PRIM2: variants seen among roughly 807,000 people sequenced by gnomAD.
PRIM2 encodes DNA primase subunit 2, also known as DNA primase large subunit.
A neutral mutation model predicts 67.3 loss-of-function variants in PRIM2; 39 were observed. That is an observed-to-expected ratio of 0.58 (90% CI 0.45 to 0.76). The LOEUF (loss-of-function observed/expected upper bound fraction) is 0.76. Ranked by LOEUF, PRIM2 falls within the 30% of genes least tolerant of loss-of-function variation. The probability of loss-of-function intolerance (pLI) is 0.00; values close to 1 mark genes in which losing one functional copy is unlikely to be tolerated. For synonymous variants in PRIM2, 143 were observed against 198.7 expected (o/e 0.72, Z 2.36); for missense variants, 398 against 598.7 (o/e 0.66, Z 3.50).
chr6:57,337,905 T>C (rs1335004908), intron 5 of PRIM2, among the ~76,000 whole-genome samples: 11 of 151,864 alleles, frequency 7.2e-5, no homozygotes, highest in Admixed American at 2.0e-4. Flanking sequence ...TTCAAAAAAT[T>C]AATGAATCCA....
In PRIM2 at chr6:57,621,868, C is replaced by T. The variant is rs1188945463; in HGVS notation, c.1231-10265C>T. ...CTCTAGCATTTCTTGTTGGGCAGGT[C>T]TACTAACAACAGACTCCCTCAGCAT... is the stretch of plus-strand genomic sequence containing the variant. On this transcript the variant is annotated intron_variant, in intron 12 of 13. Transcript: ENST00000615550. Among the ~76,000 whole-genome samples the T allele has an allele frequency of 2.6e-5, 4 of 152,270 alleles. No individual in the cohort carries two copies. The South Asian group carries it at 6.2e-4, about 24-fold the overall frequency.
At chr6:57,475,929 A>C (rs1226288248) in intron 7 of PRIM2, among the ~76,000 whole-genome samples, 1 of 152,180 alleles carries the variant, frequency 6.6e-6, no homozygotes, top group Admixed American at 6.5e-5. Context: ...GTCATGGGCA[A>C]AGTCAGGTTC....
intron 10 of PRIM2, among the ~76,000 whole-genome samples, chr6:57,592,981 G>A (rs1659729698): frequency 6.6e-6 from 1 of 152,146 alleles, no homozygotes; most frequent in Non-Finnish European, 1.5e-5. Flanking sequence ...GGGTGGGCTT[G>A]GGATAGAAGA....
At chr6:57,283,395 A>G in the PRIM2 span, among the ~76,000 whole-genome samples, 1 of 152,060 alleles carries the variant, frequency 6.6e-6, no homozygotes, top group Non-Finnish European at 1.5e-5. Context: ...CTCCAAATCT[A>G]CCTCTCTGCT....
intron 12 of PRIM2, among the ~76,000 whole-genome samples, chr6:57,631,626 T>C (rs1417842603): frequency 6.6e-6 from 1 of 152,154 alleles, no homozygotes; most frequent in Non-Finnish European, 1.5e-5. Context: ...TCTTCACAGA[T>C]ACTTGTCCAA....
intron 7 of PRIM2, among the ~76,000 whole-genome samples, chr6:57,396,535 G>A (rs148994038): frequency 6.6e-6 from 1 of 152,118 alleles, no homozygotes; most frequent in Admixed American, 6.5e-5. Context: ...TTAAGTTTAT[G>A]TGAGTCCTTA....
the PRIM2 span, among the ~76,000 whole-genome samples, chr6:57,232,312 G>T: frequency 5.4e-4 from 82 of 152,232 alleles, 1 homozygote; most frequent in Admixed American, 1.9e-3. Flanking sequence ...CAGCACTTTG[G>T]GAGGCCGAAG....
chr6:57,563,395 G>T (rs1204405682), intron 10 of PRIM2, among the ~76,000 whole-genome samples: 11 of 151,662 alleles, frequency 7.3e-5, no homozygotes, highest in Admixed American at 2.6e-4. Context: ...GCACTGGTTA[G>T]TAGAGATTTC....
At chr6:57,580,826 A>G (rs1776069971) in intron 10 of PRIM2, among the ~76,000 whole-genome samples, 2 of 152,230 alleles carry the variant, frequency 1.3e-5, no homozygotes. Context: ...CCCCATCTGT[A>G]GTATCTTTAG....
chr6:57,262,081 C>A, the PRIM2 span, among the ~76,000 whole-genome samples: 2 of 152,132 alleles, frequency 1.3e-5, no homozygotes, highest in Non-Finnish European at 2.9e-5. Flanking sequence ...TCATATTTTC[C>A]CCACTGTTGC....
intron 7 of PRIM2, among the ~76,000 whole-genome samples, chr6:57,502,798 A>G (rs1332401481): frequency 1.2e-4 from 19 of 152,114 alleles, no homozygotes; most frequent in Admixed American, 1.2e-3. Flanking sequence ...TCAGTTGACA[A>G]TCCATAATTT....
intron 5 of PRIM2, among the ~76,000 whole-genome samples, chr6:57,330,273 A>G (rs1468274630): frequency 6.7e-6 from 1 of 148,406 alleles, no homozygotes; most frequent in African/African-American, 2.5e-5. Context: ...CATTTTTGGA[A>G]TGTTCATTGC....
chr6:57,258,554 T>G, the PRIM2 span, among the ~76,000 whole-genome samples: 1 of 152,144 alleles, frequency 6.6e-6, no homozygotes, highest in African/African-American at 2.4e-5. Context: ...TTGAAGTGGT[T>G]GCACAGTGAG....
intron 7 of PRIM2, among the ~76,000 whole-genome samples, chr6:57,487,793 C>A (rs1304267021): frequency 1.4e-4 from 22 of 152,042 alleles, no homozygotes; most frequent in Admixed American, 1.2e-3. Context: ...TCAATTAATT[C>A]GAAATAGGAG....
At chr6:57,260,717 C>T in the PRIM2 span, among the ~76,000 whole-genome samples, 16 of 152,030 alleles carry the variant, frequency 1.1e-4, no homozygotes, top group African/African-American at 3.6e-4. Context: ...TATAAGTAGC[C>T]GGGCAGACAA....
intron 10 of PRIM2, among the ~76,000 whole-genome samples, chr6:57,595,907 A>G (rs1776356973): frequency 1.3e-5 from 2 of 152,046 alleles, no homozygotes; most frequent in African/African-American, 4.8e-5. Flanking sequence ...CTTTTCCTGG[A>G]GGATGGCATA....
intron 5 of PRIM2, among the ~76,000 whole-genome samples, chr6:57,340,932 C>G (rs1173282185): frequency 2.0e-5 from 3 of 152,266 alleles, no homozygotes; most frequent in African/African-American, 7.2e-5. Flanking sequence ...GCAGTTTTAA[C>G]AAGAGTGTTG....
the PRIM2 span, among the ~76,000 whole-genome samples, chr6:57,242,520 A>G: frequency 1.3e-5 from 2 of 152,184 alleles, no homozygotes; most frequent in African/African-American, 4.8e-5. Context: ...ATTGACTTAA[A>G]TTGCGTCATG....
chr6:57,455,971 G>A (rs1342736870), intron 7 of PRIM2, among the ~76,000 whole-genome samples: 1 of 151,990 alleles, frequency 6.6e-6, no homozygotes, highest in Admixed American at 6.6e-5. Context: ...GCTCTTTTAG[G>A]GCAGGCCTGG....
Sources: gnomAD v4.1 joint callset for allele counts (sites outside exome capture counted in the v4.1 genomes callset) on GRCh38, gnomAD v4.1.1 for gene constraint, MANE v1.5 for transcripts, NCBI Gene and HGNC (gene_info 2026-07-23, HGNC 2026-07-21) for gene names.